Variants in PTPRD observed in about 807,000 individuals in gnomAD.
PTPRD encodes receptor-type tyrosine-protein phosphatase delta.
In PTPRD, 34 loss-of-function variants were observed where a neutral mutation model predicts 214.5. That is an observed-to-expected ratio of 0.16 (90% CI 0.12 to 0.21). PTPRD has a LOEUF of 0.21. Ranked by LOEUF, PTPRD falls within the 10% of genes least tolerant of loss-of-function variation. The pLI is 1.00. For missense variants in PTPRD, 2,545 were observed against 2,398.7 expected, an observed-to-expected ratio of 1.06 and a Z score of -1.27; for synonymous variants, 1,128 against 845.7, an observed-to-expected ratio of 1.33 and a Z score of -5.79.
chr9:9,968,490 T>C (rs959073339), intron 4 of PTPRD, among the ~76,000 whole-genome samples: 9 of 152,176 alleles, frequency 5.9e-5, no homozygotes, highest in African/African-American at 1.2e-4. Flanking sequence ...AAGAATTAAA[T>C]GCAAAAGTAA....
At chr9:9,822,575 AT>A (rs1281687141) in intron 5 of PTPRD, among the ~76,000 whole-genome samples, 12 of 149,742 alleles carry the variant, frequency 8.0e-5, no homozygotes, top group African/African-American at 2.2e-4. Context: ...TCATCCATTT[AT>A]TTTTTTCCTT....
In PTPRD at chr9:9,270,606, G is replaced by A. The variant is rs1038338388; in HGVS notation, c.-202-87243C>T. On this transcript the variant is annotated intron_variant, in intron 9 of 45. Transcript: ENST00000381196. ...GATCAGGTCAGGGCAAGGATTCCAG[G>A]AAAAATTTGATTCTAAGTGCAAAAG... 7.3e-5 allele frequency among the ~76,000 whole-genome samples: 11 copies of A among 151,328 alleles called. No homozygotes were observed. The East Asian group carries it at 7.9e-4, about 11-fold the overall frequency.
chr9:9,923,933 A>G (rs374100552), intron 5 of PTPRD, among the ~76,000 whole-genome samples: 1 of 152,190 alleles, frequency 6.6e-6, no homozygotes, highest in African/African-American at 2.4e-5. Flanking sequence ...GGGGAGCAGA[A>G]GGATGAAAGG....
chr9:8,323,213 G>A (rs1420463072), intron 44 of PTPRD, among the ~76,000 whole-genome samples: 1 of 152,126 alleles, frequency 6.6e-6, no homozygotes, highest in Non-Finnish European at 1.5e-5. Context: ...AGATAATACT[G>A]CTCATTGACA....
intron 2 of PTPRD, among the ~76,000 whole-genome samples, chr9:10,394,951 CTT>C (rs2098138951): frequency 1.6e-5 from 2 of 123,768 alleles, no homozygotes; most frequent in South Asian, 2.7e-4. Flanking sequence ...ACCATTTTTT[CTT>C]TTTCTTTTTT....
At chr9:9,625,904 A>G (rs76618576) in intron 7 of PTPRD, among the ~76,000 whole-genome samples, 2 of 152,174 alleles carry the variant, frequency 1.3e-5, no homozygotes, top group Non-Finnish European at 2.9e-5. Context: ...AGGAGTCAGC[A>G]GACTTTATCT....
At chr9:10,592,971 A>G (rs1033913527) in intron 2 of PTPRD, among the ~76,000 whole-genome samples, 2 of 151,972 alleles carry the variant, frequency 1.3e-5, no homozygotes, top group African/African-American at 4.8e-5. Context: ...CGCTCTTCAC[A>G]ATAAATCTTG....
intron 5 of PTPRD, among the ~76,000 whole-genome samples, chr9:9,842,588 A>G (rs994083182): frequency 1.3e-5 from 2 of 152,062 alleles, no homozygotes; most frequent in Non-Finnish European, 2.9e-5. Flanking sequence ...TATCGTTGTT[A>G]AAACCTGATA....
chr9:9,491,136 A>C (rs2095876014), intron 8 of PTPRD, among the ~76,000 whole-genome samples: 1 of 151,946 alleles, frequency 6.6e-6, no homozygotes, highest in South Asian at 2.1e-4. Flanking sequence ...AGCAAAAGAG[A>C]GCAGGGGGTG....
chr9:9,289,261 G>A (rs1425158100), intron 9 of PTPRD, among the ~76,000 whole-genome samples: 1 of 151,794 alleles, frequency 6.6e-6, no homozygotes, highest in African/African-American at 2.4e-5. Flanking sequence ...ACATGTGCAT[G>A]CTAAAGATAA....
intron 26 of PTPRD, among the ~76,000 whole-genome samples, chr9:8,496,763 C>T (rs2097283340): frequency 6.6e-6 from 1 of 152,168 alleles, no homozygotes; most frequent in Admixed American, 6.5e-5. Flanking sequence ...GTCTGCAATG[C>T]CTTCATTTAA....
At chr9:8,350,810 A>G (rs1321259696) in intron 39 of PTPRD, among the ~76,000 whole-genome samples, 1 of 152,190 alleles carries the variant, frequency 6.6e-6, no homozygotes, top group African/African-American at 2.4e-5. Flanking sequence ...ACAAATTGTC[A>G]TTGATACGCA....
intron 11 of PTPRD, among the ~76,000 whole-genome samples, chr9:8,746,661 C>T (rs1463586082): frequency 2.6e-5 from 4 of 152,114 alleles, no homozygotes; most frequent in African/African-American, 9.7e-5. Flanking sequence ...GCCCATTAAA[C>T]TAAAAGAAAA....
At chr9:8,902,994 TAG>T (rs914258326) in intron 11 of PTPRD, among the ~76,000 whole-genome samples, 2 of 152,148 alleles carry the variant, frequency 1.3e-5, no homozygotes, top group African/African-American at 4.8e-5. Context: ...AAAATGAATT[TAG>T]AATGAAGATA....
chr9:10,588,159 A>T (rs1387379890), intron 2 of PTPRD, among the ~76,000 whole-genome samples: 36 of 152,092 alleles, frequency 2.4e-4, no homozygotes, highest in Admixed American at 2.4e-3. Context: ...ACTCTATTTT[A>T]TGCCCAATGC....
chr9:9,692,864 G>C (rs1423206172), intron 7 of PTPRD, among the ~76,000 whole-genome samples: 3 of 151,520 alleles, frequency 2.0e-5, no homozygotes, highest in Non-Finnish European at 4.4e-5. Context: ...TTAATTCCTA[G>C]GTATTTAATT....
intron 2 of PTPRD, among the ~76,000 whole-genome samples, chr9:10,500,765 T>A (rs1164065584): frequency 1.3e-5 from 2 of 151,972 alleles, no homozygotes; most frequent in South Asian, 2.1e-4. Context: ...ATTGTTTTAA[T>A]TTTTAGCTTC....
At chr9:9,119,669 G>A (rs757938392) in intron 10 of PTPRD, among the ~76,000 whole-genome samples, 20 of 151,762 alleles carry the variant, frequency 1.3e-4, no homozygotes, top group Admixed American at 5.9e-4. Flanking sequence ...GACTACAGGC[G>A]CGTGCCACCA....
At chr9:8,471,263 G>A (rs896774684) in intron 30 of PTPRD, among the ~76,000 whole-genome samples, 178 bp from the exon 31 acceptor site, 5 of 152,126 alleles carry the variant, frequency 3.3e-5, no homozygotes, top group Admixed American at 6.6e-5. Context: ...AAAACAACAC[G>A]GGAAGACATT....
Sources: gnomAD v4.1 joint callset for allele counts (sites outside exome capture counted in the v4.1 genomes callset) on GRCh38, gnomAD v4.1.1 for gene constraint, MANE v1.5 for transcripts, NCBI Gene and HGNC (gene_info 2026-07-23, HGNC 2026-07-21) for gene names.